The following MYO1A variants were observed in gnomAD, a reference collection of about 807,000 sequenced individuals.
The protein encoded by MYO1A is myosin IA.
A neutral mutation model predicts 138.5 loss-of-function variants in MYO1A; 127 were observed. The ratio of observed to expected loss-of-function variants is 0.92; its 90% CI spans 0.79 to 1.06. MYO1A has a LOEUF of 1.06. Ranked by LOEUF, MYO1A falls within the 50% of genes least tolerant of loss-of-function variation. The pLI, the probability that MYO1A is intolerant of heterozygous loss-of-function variation, is 0.00. For synonymous variants in MYO1A, 477 were observed against 497.5 expected (o/e 0.96, Z 0.55); for missense variants, 1,211 against 1,288.8 (o/e 0.94, Z 0.92).
intron 1 of MYO1A, 105 bp from the exon 2 acceptor site, chr12:57,048,448 T>G (rs2031218075): frequency 1.3e-6 from 1 of 758,798 alleles, no homozygotes; most frequent in Admixed American, 2.0e-5. Context: ...CCTCTCTTCC[T>G]ACCCTGGCCC....
intron 23 of MYO1A, among the ~76,000 whole-genome samples, chr12:57,030,531 A>G (rs1186960174): frequency 1.3e-5 from 2 of 152,176 alleles, no homozygotes; most frequent in African/African-American, 2.4e-5. Context: ...GACACCATCA[A>G]ATAAAAGCAC....
At position 57,048,139 on chromosome 12, in the gene MYO1A, G is replaced by C. The variant is rs375975357; in HGVS notation, c.115-35C>G. 15 of 1,605,468 alleles carry C rather than the reference G, an allele frequency of 9.3e-6. No homozygotes were observed. In the African/African-American group the frequency reaches 2.0e-4, roughly 21 times the overall value. The stretch of plus-strand genomic sequence containing the variant: ...GGAAGAAGGTGAAGGGAATGAGCTT[G>C]AGGGTGAGGTGGGAGCCTGTGACCT... On this transcript the variant is annotated intron_variant, in intron 2 of 27. Transcript: ENST00000300119.
At position 57,028,707 on chromosome 12, in the gene MYO1A, T is replaced by C. The variant is rs755970031; in HGVS notation, c.*48A>G. ...ACACAGGAGGGCAGAGGGGGATTAG[T>C]GCTGGTTCAGGAGGAAGCAACTGCC... On this transcript the variant is annotated 3_prime_UTR_variant, in exon 28 of 28. Transcript: ENST00000300119. The C allele has an allele frequency of 6.2e-7, 1 of 1,610,766 alleles. No homozygotes were observed. Among genetic ancestry groups the C allele is most frequent in the South Asian group, 1.1e-5 (1 of 90,400 alleles).
In MYO1A at chr12:57,043,850, G is replaced by A. The variant is rs201958192; in HGVS notation, c.892+6C>T. 180 of 1,613,998 alleles carry A rather than the reference G, an allele frequency of 1.1e-4. No homozygotes were observed. The highest frequency in any genetic ancestry group is 1.4e-4 in the Non-Finnish European group (167 of 1,180,002). The stretch of plus-strand genomic sequence containing the variant: ...GGTAGGAGCTCCAGCAGGCTGGGAT[G>A]CAGACCTCTCCCATCACGGATGCCA... On this transcript the variant is annotated splice_donor_region_variant and intron_variant, in intron 10 of 27. Coordinates refer to ENST00000300119, the MANE Select transcript of MYO1A (RefSeq NM_005379.4).
chr12:57,049,571 A>C (rs909946566), intron 1 of MYO1A, among the ~76,000 whole-genome samples: 1 of 152,248 alleles, frequency 6.6e-6, no homozygotes, highest in Non-Finnish European at 1.5e-5. Context: ...GGAATCATGC[A>C]GCGTTTACCA....
chr12:57,038,536 A>C lies in MYO1A; in HGVS notation c.1636T>G (p.Leu546Val), dbSNP rs145696754. The C allele has an allele frequency of 8.7e-6, 14 of 1,614,086 alleles. No individual in the cohort carries two copies. The highest frequency in any genetic ancestry group is 1.2e-5 in the Non-Finnish European group (14 of 1,180,050). The change falls in exon 17 of 28, where the codon TTG becomes GTG. Residue 546 changes from leucine to valine, a missense_variant. By Grantham distance (32) the Leu-to-Val change is conservative (BLOSUM62 1). Transcript: ENST00000300119. The part of the protein sequence containing the change: ...WKAQHPLLRS[L>V]FPEGNPKQAS... ...TGCTTAGGATTGCCCTCAGGAAACA[A>C]GGACCGAAGGAGGGGGTGCTGGGCC... is the stretch of plus-strand genomic sequence containing the variant.
rs1337929596 is a variant in MYO1A at position 57,031,273 on chromosome 12, A to G, written c.2350-99T>C. 4 of 1,457,466 alleles carry G rather than the reference A, an allele frequency of 2.7e-6. No individual in the cohort carries two copies. The East Asian group carries it at 9.1e-5, about 33-fold the overall frequency. 90.3% of individuals were successfully genotyped at this position (1,457,466 alleles called of 1,614,324 possible). On this transcript the variant is annotated intron_variant, in intron 22 of 27. Transcript: ENST00000300119. ...CCTGCCACTTCAAAGGAGGAAGTTA[A>G]CCCACAGTGAGAAGCAAGGGGTGGA...
Position 57,043,983 on chromosome 12 carries a change from C to T in MYO1A, c.765G>A (p.Gly255=). The T allele has an allele frequency of 6.2e-7, 1 of 1,614,186 alleles. No homozygotes were observed. Among genetic ancestry groups the T allele is most frequent in the Non-Finnish European group, 8.5e-7 (1 of 1,180,034 alleles). The change falls in exon 10 of 28, where the codon GGG becomes GGA. Residue 255 remains glycine (G), a synonymous_variant. Coordinates refer to ENST00000300119, the MANE Select transcript of MYO1A (RefSeq NM_005379.4). ...CTTGTCGAATCTCCTCCTCCGAGAA[C>T]CCAATCACTGCCATTGCACTCTTAG... The part of the protein sequence containing the change: ...RAVQSAMAVI[G]FSEEEIRQVL...
intron 23 of MYO1A, 71 bp downstream of exon 23, chr12:57,030,969 G>T: frequency 1.9e-6 from 3 of 1,580,064 alleles, no homozygotes; most frequent in Non-Finnish European, 2.6e-6. Flanking sequence ...GAAGAGGGAG[G>T]CAAAAGAGGA....
upstream of MYO1A, among the ~76,000 whole-genome samples, chr12:57,050,314 A>G (rs967254810): frequency 2.6e-5 from 4 of 152,228 alleles, no homozygotes; most frequent in African/African-American, 9.6e-5. Flanking sequence ...TTGTCTCCCA[A>G]ATTTGGAAAT....
In MYO1A at chr12:57,036,757, T is replaced by C; in HGVS notation, c.2274+15A>G. ...AGAAACAATGTGAGGAAACCTCTCT[T>C]CCACTCTCCATTACCTTCCACCCTC... On this transcript the variant is annotated intron_variant, in intron 21 of 27. Transcript: ENST00000300119. 6.2e-7 allele frequency: 1 copy of C among 1,613,140 alleles called. No individual in the cohort carries two copies. Among genetic ancestry groups the C allele is most frequent in the Non-Finnish European group, 8.5e-7 (1 of 1,179,300 alleles).
At chr12:57,030,073 G>A in intron 24 of MYO1A, 137 bp downstream of exon 24, 1 of 1,208,018 alleles carries the variant, frequency 8.3e-7, no homozygotes, top group African/African-American at 1.5e-5. Context: ...CTCACCCCAA[G>A]ACCTGCTGGA....
At position 57,038,807 on chromosome 12, in the gene MYO1A, A is replaced by C; in HGVS notation, c.1533+2T>G. ...CTCTGCCCTCCAGCCCTGCCATTTC[A>C]CCTTGCCCGCATAGTGGCAGATGCG... On this transcript the variant is annotated splice_donor_variant, in intron 16 of 27. Coordinates refer to ENST00000300119, the MANE Select transcript of MYO1A (RefSeq NM_005379.4). LOFTEE classifies it high-confidence loss of function. The C allele has an allele frequency of 6.2e-7, 1 of 1,613,756 alleles. No homozygotes were observed. Among genetic ancestry groups the C allele is most frequent in the South Asian group, 1.1e-5 (1 of 91,046 alleles).
chr12:57,047,488 G>C, intron 4 of MYO1A, 81 bp from the exon 5 acceptor site: 1 of 1,499,504 alleles, frequency 6.7e-7, no homozygotes, highest in Non-Finnish European at 9.3e-7. Flanking sequence ...TCACCCCAGT[G>C]CCTCACCACC....
intron 5 of MYO1A, 91 bp from the exon 6 acceptor site, chr12:57,047,198 G>T: frequency 6.3e-7 from 1 of 1,589,528 alleles, no homozygotes; most frequent in Non-Finnish European, 8.6e-7. Flanking sequence ...ATTTTTCTGG[G>T]TCGAACAAGA....
intron 22 of MYO1A, among the ~76,000 whole-genome samples, chr12:57,032,962 T>C (rs896758598): frequency 6.6e-6 from 1 of 152,228 alleles, no homozygotes; most frequent in Non-Finnish European, 1.5e-5. Flanking sequence ...CAACTGATAA[T>C]GTTAACACCT....
At position 57,043,878 on chromosome 12, in the gene MYO1A, T is replaced by C; in HGVS notation, c.870A>G (p.Ala290=). The C allele has an allele frequency of 6.2e-7, 1 of 1,614,134 alleles. No homozygotes were observed. ...GACCTCTCCCATCACGGATGCCACTTGCTGGTATCCCACTGGCCTGGAACT... is the reference window on the plus strand; with the variant it reads ...GACCTCTCCCATCACGGATGCCACTCGCTGGTATCCCACTGGCCTGGAACT... The part of the protein sequence containing the change: ...ADEFQASGIP[A]SGIRDGRGVR... Residue 290 remains alanine (A), a synonymous_variant, in exon 10 of 28, where the codon GCA becomes GCG. Transcript: ENST00000300119.
rs200927840 is a variant in MYO1A, at chr12:57,038,060, C to T, written c.1770G>A (p.Lys590=). 5.1e-5 allele frequency: 83 copies of T among 1,613,876 alleles called. No individual in the cohort carries two copies. The African/African-American group carries it at 8.9e-4, about 17-fold the overall frequency. Residue 590 remains lysine (K), a synonymous_variant, in exon 18 of 28, where the codon AAG becomes AAA. Transcript: ENST00000300119. ...SKSPNYIRCI[K]PNEHQQRGQF... is the part of the protein sequence containing the mutation. ...GACCTCGCTGCTGATGCTCATTGGGCTTTATGCACCTGGTGGGAGGTGGGG... is the reference window on the plus strand; with the variant it reads ...GACCTCGCTGCTGATGCTCATTGGGTTTTATGCACCTGGTGGGAGGTGGGG...
At chr12:57,032,340 A>T (rs529852630) in intron 22 of MYO1A, among the ~76,000 whole-genome samples, 7 of 152,322 alleles carry the variant, frequency 4.6e-5, no homozygotes, top group African/African-American at 1.7e-4. Flanking sequence ...GGGACATAAC[A>T]GTGAACAAAG....
Sources: gnomAD v4.1 joint callset for allele counts (sites outside exome capture counted in the v4.1 genomes callset) on GRCh38, gnomAD v4.1.1 for gene constraint, MANE v1.5 for transcripts, NCBI Gene and HGNC (gene_info 2026-07-23, HGNC 2026-07-21) for gene names.